Variants in ZNG1E observed in about 807,000 individuals in gnomAD.
ZNG1E encodes Zn regulated GTPase metalloprotein activator 1E, also known as zinc-regulated GTPase metalloprotein activator 1E.
At chr9:65,666,719 T>C in the ZNG1E span, among the ~76,000 whole-genome samples, 1 of 149,068 alleles carries the variant, frequency 6.7e-6, no homozygotes, top group Admixed American at 6.7e-5. Flanking sequence ...GCTTGTATGA[T>C]TTACAGAATT....
At chr9:65,664,221 A>G in the ZNG1E span, among the ~76,000 whole-genome samples, 1 of 151,960 alleles carries the variant, frequency 6.6e-6, no homozygotes, top group South Asian at 2.1e-4. Context: ...ACATATATTC[A>G]TAAACATAAA....
the ZNG1E span, among the ~76,000 whole-genome samples, chr9:65,717,834 C>T: frequency 6.9e-5 from 10 of 144,632 alleles, no homozygotes; most frequent in Non-Finnish European, 1.0e-4. Flanking sequence ...ACTATAGGCA[C>T]GCACTACCAT....
the ZNG1E span, among the ~76,000 whole-genome samples, chr9:65,713,792 T>C: frequency 6.6e-6 from 1 of 150,424 alleles, no homozygotes; most frequent in Non-Finnish European, 1.5e-5. Flanking sequence ...CTTAACATTT[T>C]TCCCTTCATT....
chr9:65,714,364 T>G, the ZNG1E span, among the ~76,000 whole-genome samples: 1 of 151,678 alleles, frequency 6.6e-6, no homozygotes. Flanking sequence ...CTCGTCAAAG[T>G]CATTCTCCGT....
the ZNG1E span, among the ~76,000 whole-genome samples, chr9:65,684,538 A>ACG: frequency 2.0e-3 from 187 of 91,860 alleles, no homozygotes; most frequent in South Asian, 6.6e-3. Flanking sequence ...CTGTATACAC[A>ACG]CACACACGCA....
chr9:65,690,968 T>G, the ZNG1E span: 11 of 1,603,428 alleles, frequency 6.9e-6, no homozygotes, highest in South Asian at 8.9e-5. Flanking sequence ...TATTTTCAGG[T>G]GCAGTGACTT....
the ZNG1E span, among the ~76,000 whole-genome samples, chr9:65,679,710 A>G: frequency 6.6e-6 from 1 of 152,262 alleles, no homozygotes; most frequent in Non-Finnish European, 1.5e-5. Flanking sequence ...ATGCGCCACC[A>G]TGCCCAGATA....
At chr9:65,662,140 A>AGTTG in the ZNG1E span, among the ~76,000 whole-genome samples, 2 of 152,362 alleles carry the variant, frequency 1.3e-5, no homozygotes, top group African/African-American at 4.8e-5. Context: ...GAAGGATGCA[A>AGTTG]CATCAACTTG....
At chr9:65,725,229 CTT>C in the ZNG1E span, among the ~76,000 whole-genome samples, 1 of 144,824 alleles carries the variant, frequency 6.9e-6, no homozygotes, top group South Asian at 2.2e-4. Context: ...GCTCATTTCT[CTT>C]TATGTATCCA....
At chr9:65,695,915 A>G in the ZNG1E span, among the ~76,000 whole-genome samples, 3 of 151,616 alleles carry the variant, frequency 2.0e-5, no homozygotes, top group Non-Finnish European at 4.4e-5. Flanking sequence ...TTGGACATCT[A>G]TGTAATATAA....
the ZNG1E span, among the ~76,000 whole-genome samples, chr9:65,715,006 G>C: frequency 4.2e-4 from 63 of 148,466 alleles, no homozygotes; most frequent in Admixed American, 6.8e-4. Flanking sequence ...CCTCGCTGCC[G>C]CCTTGCAGTT....
At chr9:65,662,512 G>A in the ZNG1E span, among the ~76,000 whole-genome samples, 1 of 151,924 alleles carries the variant, frequency 6.6e-6, no homozygotes, top group Non-Finnish European at 1.5e-5. Flanking sequence ...AGGGTATATG[G>A]GAACCTCTAC....
chr9:65,714,655 A>C, the ZNG1E span, among the ~76,000 whole-genome samples: 1 of 152,104 alleles, frequency 6.6e-6, no homozygotes, highest in African/African-American at 2.4e-5. Context: ...GTGAGGTGTC[A>C]GCCTGCCTCT....
the ZNG1E span, among the ~76,000 whole-genome samples, chr9:65,691,553 C>T: frequency 6.6e-6 from 1 of 152,234 alleles, no homozygotes; most frequent in Admixed American, 6.5e-5. Flanking sequence ...CACTCAACTT[C>T]CAATTTAGTG....
the ZNG1E span, chr9:65,675,669 A>T: frequency 3.6e-6 from 2 of 550,552 alleles, no homozygotes; most frequent in Non-Finnish European, 3.1e-6. Context: ...TCTAGGCGCC[A>T]GTGACACCTT....
chr9:65,667,195 C>T, the ZNG1E span, among the ~76,000 whole-genome samples: 3 of 152,218 alleles, frequency 2.0e-5, no homozygotes, highest in East Asian at 5.8e-4. Flanking sequence ...TATCAAGATG[C>T]AATATGTGAA....
At chr9:65,667,887 T>C in the ZNG1E span, among the ~76,000 whole-genome samples, 1 of 133,110 alleles carries the variant, frequency 7.5e-6, no homozygotes, top group Non-Finnish European at 1.6e-5. Context: ...TCCCAGCTAC[T>C]TGGGAGGCTG....
At chr9:65,660,776 A>G in the ZNG1E span, among the ~76,000 whole-genome samples, 64 of 149,626 alleles carry the variant, frequency 4.3e-4, no homozygotes, top group African/African-American at 1.5e-3. Flanking sequence ...AAATTTAACT[A>G]TGGAAAATAG....
chr9:65,681,004 G>A, the ZNG1E span, among the ~76,000 whole-genome samples: 1 of 152,156 alleles, frequency 6.6e-6, no homozygotes, highest in Non-Finnish European at 1.5e-5. Flanking sequence ...TAGCGAGGGT[G>A]GTCTCGATCT....
Sources: allele counts gnomAD v4.1 joint callset (sites outside exome capture counted in the v4.1 genomes callset), GRCh38; gene constraint gnomAD v4.1.1; transcripts MANE v1.5; gene names NCBI Gene and HGNC (gene_info 2026-07-23, HGNC 2026-07-21).